Variants in HCRTR2 observed in about 807,000 individuals in gnomAD.
The protein encoded by HCRTR2 is hypocretin receptor 2.
A neutral mutation model predicts 49.0 loss-of-function variants in HCRTR2; 22 were observed. The observed-to-expected ratio is 0.45, with a 90% confidence interval of 0.32 to 0.64. The LOEUF is 0.64. HCRTR2 is among the 30% of genes least tolerant of loss of function. HCRTR2 has a pLI of 0.04. For synonymous variants in HCRTR2, 236 were observed against 205.3 expected (o/e 1.15, Z -1.28); for missense variants, 491 against 559.4 (o/e 0.88, Z 1.23).
At chr6:55,247,488 C>T (rs918745596) in intron 1 of HCRTR2, among the ~76,000 whole-genome samples, 6 of 152,008 alleles carry the variant, frequency 3.9e-5, no homozygotes, top group African/African-American at 9.7e-5. Context: ...TTTATTTATT[C>T]GCTATGTAAA....
intron 1 of HCRTR2, among the ~76,000 whole-genome samples, chr6:55,153,559 T>G (rs1271194715): frequency 6.6e-6 from 1 of 152,056 alleles, no homozygotes; most frequent in South Asian, 2.1e-4. Flanking sequence ...AACATCATTA[T>G]ACAATTTGTG....
In HCRTR2 at chr6:55,135,657, A is replaced by C. The variant is rs775167190; in HGVS notation, c.-378+29112A>C. Among the ~76,000 whole-genome samples the C allele has an allele frequency of 9.1e-4, 139 of 152,284 alleles. 1 individual carries two copies. The highest frequency in any genetic ancestry group is 1.6e-3 in the Non-Finnish European group (109 of 67,984). Reference sequence around the variant, plus strand: ...TGCTATATCTTGATCCCCTTTCTAAACACTTTACATATATTAACTCCTTGG... The same window carrying C: ...TGCTATATCTTGATCCCCTTTCTAACCACTTTACATATATTAACTCCTTGG... On this transcript the variant is annotated intron_variant, in intron 1 of 7. Coordinates refer to the HCRTR2 transcript ENST00000615358.
intron 3 of HCRTR2, among the ~76,000 whole-genome samples, chr6:55,256,160 C>T (rs1766648637): frequency 1.3e-5 from 2 of 151,914 alleles, no homozygotes; most frequent in Non-Finnish European, 2.9e-5. Flanking sequence ...TAAAATAACC[C>T]TGCATTTCAG....
intron 2 of HCRTR2, among the ~76,000 whole-genome samples, chr6:55,254,870 A>G (rs925808146): frequency 1.3e-5 from 2 of 152,036 alleles, no homozygotes; most frequent in Admixed American, 1.3e-4. Flanking sequence ...ATAAATTAAG[A>G]CATTTGGAGT....
chr6:55,138,435 A>G (rs140988966), intron 1 of HCRTR2, among the ~76,000 whole-genome samples: 12 of 152,362 alleles, frequency 7.9e-5, no homozygotes, highest in African/African-American at 2.9e-4. Context: ...TGAAGACACT[A>G]TTAGTTCCTT....
intron 5 of HCRTR2, among the ~76,000 whole-genome samples, chr6:55,279,553 A>ACACACACACACACG (rs1554184107): frequency 2.0e-5 from 3 of 149,852 alleles, no homozygotes; most frequent in Non-Finnish European, 4.5e-5. Flanking sequence ...ACACACACAC[A>ACACACACACACACG]CTGATACAGA....
At chr6:55,282,164 T>A (rs1195956233) in intron 6 of HCRTR2, 61 bp from the exon 7 acceptor site, 41 of 1,208,390 alleles carry the variant, frequency 3.4e-5, no homozygotes, top group Non-Finnish European at 5.0e-5. Context: ...TGTACCCTAT[T>A]CATAATTTGT....
At chr6:55,143,275 G>A (rs555224091) in intron 1 of HCRTR2, among the ~76,000 whole-genome samples, 1 of 152,014 alleles carries the variant, frequency 6.6e-6, no homozygotes, top group Non-Finnish European at 1.5e-5. Flanking sequence ...TAGGAACTCT[G>A]TCATCCTTAT....
intron 2 of HCRTR2, among the ~76,000 whole-genome samples, chr6:55,252,529 C>T (rs1473831889): frequency 6.6e-6 from 1 of 151,988 alleles, no homozygotes; most frequent in Non-Finnish European, 1.5e-5. Flanking sequence ...GTTCTATTCC[C>T]AGGTTAGCAA....
chr6:55,159,592 A>G (rs1372039980), intron 1 of HCRTR2, among the ~76,000 whole-genome samples: 4 of 152,202 alleles, frequency 2.6e-5, no homozygotes, highest in Non-Finnish European at 5.9e-5. Context: ...AACCTTGAAA[A>G]ATGGTTAGAG....
chr6:55,234,760 C>T (rs1486292179), intron 1 of HCRTR2, among the ~76,000 whole-genome samples: 1 of 152,124 alleles, frequency 6.6e-6, no homozygotes, highest in Non-Finnish European at 1.5e-5. Flanking sequence ...ACTAGTACTG[C>T]ACCAAGCACT....
intron 1 of HCRTR2, among the ~76,000 whole-genome samples, chr6:55,139,088 C>T (rs896418054): frequency 5.3e-5 from 8 of 151,990 alleles, no homozygotes; most frequent in Non-Finnish European, 1.0e-4. Context: ...AACATAGAAA[C>T]CCAAGGTAGG....
Position 55,282,581 on chromosome 6 carries a change from A to G in HCRTR2, c.*127A>G, listed in dbSNP as rs1321095223. ...TGTGGATCTTTTTTTTTTTTAATCT[A>G]TTGCTCTTTGGAAATAAAAAAAAAG... On this transcript the variant is annotated 3_prime_UTR_variant, in exon 7 of 7. Coordinates refer to ENST00000370862, the MANE Select transcript of HCRTR2 (RefSeq NM_001384272.1). The G allele has an allele frequency of 3.1e-6, 2 of 640,352 alleles. No individual in the cohort carries two copies. The highest frequency in any genetic ancestry group is 5.5e-6 in the Non-Finnish European group (2 of 365,910). 39.7% of individuals were successfully genotyped at this position (640,352 alleles called of 1,614,324 possible). A position where few individuals can be genotyped will look rare whatever the true frequency, so the allele number is the denominator to read the frequency against.
intron 3 of HCRTR2, 143 bp from the exon 4 acceptor site, chr6:55,263,564 A>T: frequency 3.1e-6 from 2 of 645,878 alleles, no homozygotes; most frequent in Non-Finnish European, 5.6e-6. Flanking sequence ...ATTATGAATT[A>T]TTTTTCCCCT....
chr6:55,123,098 C>A (rs1050782331), intron 1 of HCRTR2, among the ~76,000 whole-genome samples: 1 of 150,586 alleles, frequency 6.6e-6, no homozygotes, highest in Admixed American at 6.6e-5. Flanking sequence ...CACATGTACC[C>A]TAGAACTTAA....
chr6:55,218,904 A>G (rs899765504), intron 1 of HCRTR2, among the ~76,000 whole-genome samples: 1 of 152,166 alleles, frequency 6.6e-6, no homozygotes, highest in African/African-American at 2.4e-5. Context: ...GCTCACTGCA[A>G]TCTCCACTTC....
rs189786730 is a variant in HCRTR2 at position 55,274,085 on chromosome 6, C to T, written c.763-3295C>T. Reference sequence around the variant, plus strand: ...CTTTCATTTCCAGAAAAAAGACTGTCGTGGTATTGAACGTGATTAATTGCA... The same window carrying T: ...CTTTCATTTCCAGAAAAAAGACTGTTGTGGTATTGAACGTGATTAATTGCA... On this transcript the variant is annotated intron_variant, in intron 4 of 6. Transcript: ENST00000370862. Among the ~76,000 whole-genome samples, 15 of 151,308 alleles carry T rather than the reference C, an allele frequency of 9.9e-5. No individual in the cohort carries two copies. In the East Asian group the frequency reaches 2.7e-3, roughly 27 times the overall value.
At chr6:55,167,682 C>G (rs1033191935) in intron 1 of HCRTR2, among the ~76,000 whole-genome samples, 5 of 152,072 alleles carry the variant, frequency 3.3e-5, no homozygotes, top group African/African-American at 1.2e-4. Context: ...CTTTCCTTCC[C>G]CAGATCCCAC....
intron 1 of HCRTR2, among the ~76,000 whole-genome samples, chr6:55,198,560 G>A (rs1765458472): frequency 1.3e-5 from 2 of 152,124 alleles, no homozygotes; most frequent in South Asian, 2.1e-4. Context: ...ACCCACTAGT[G>A]TTCTGGGTGT....
Sources: allele counts gnomAD v4.1 joint callset (sites outside exome capture counted in the v4.1 genomes callset), GRCh38; gene constraint gnomAD v4.1.1; transcripts MANE v1.5; gene names NCBI Gene and HGNC (gene_info 2026-07-23, HGNC 2026-07-21).